Variants in C9orf85 observed in about 807,000 individuals in gnomAD.
The protein encoded by C9orf85 is uncharacterized protein C9orf85.
In C9orf85, 16 loss-of-function variants were observed where a neutral mutation model predicts 14.9. That is an observed-to-expected ratio of 1.08 (90% CI 0.73 to 1.63). The LOEUF (loss-of-function observed/expected upper bound fraction) is 1.63. Among genes scored for constraint, C9orf85 ranks in the 40% most tolerant of loss-of-function variants. The pLI, the probability that C9orf85 is intolerant of heterozygous loss-of-function variation, is 0.00. For missense variants in C9orf85, 172 were observed against 186.1 expected (o/e 0.92, Z 0.44); for synonymous variants, 45 against 56.8 (o/e 0.79, Z 0.93).
intron 1 of C9orf85, among the ~76,000 whole-genome samples, chr9:71,937,754 GAT>G (rs1446506482): frequency 6.6e-6 from 1 of 151,970 alleles, no homozygotes; most frequent in Non-Finnish European, 1.5e-5. Context: ...CTATACTTTA[GAT>G]ATCTTTTAAT....
chr9:71,949,816 C>T (rs574366994), intron 2 of C9orf85, among the ~76,000 whole-genome samples: 2 of 152,266 alleles, frequency 1.3e-5, no homozygotes, highest in South Asian at 4.2e-4. Flanking sequence ...CTTGTTCATT[C>T]AGATTCCTCT....
At chr9:71,974,844 T>C (rs1822972806), downstream of C9orf85, among the ~76,000 whole-genome samples, 1 of 152,208 alleles carries the variant, frequency 6.6e-6, no homozygotes, top group Non-Finnish European at 1.5e-5. Context: ...TGAATATGTG[T>C]GCAATAGTAT....
At chr9:71,955,428 C>T (rs570092719) in intron 2 of C9orf85, among the ~76,000 whole-genome samples, 2 of 152,172 alleles carry the variant, frequency 1.3e-5, no homozygotes, top group South Asian at 2.1e-4. Context: ...GCTTCAATAA[C>T]GGTTTTGGAC....
At chr9:71,949,660 G>C (rs1361027674) in intron 2 of C9orf85, among the ~76,000 whole-genome samples, 1 of 152,096 alleles carries the variant, frequency 6.6e-6, no homozygotes, top group Non-Finnish European at 1.5e-5. Flanking sequence ...AGGAAACAAA[G>C]ACCCAAAGAA....
chr9:71,977,319 A>T (rs933242369), downstream of C9orf85, among the ~76,000 whole-genome samples: 2 of 152,220 alleles, frequency 1.3e-5, no homozygotes, highest in African/African-American at 4.8e-5. Context: ...TTCCCAGCTG[A>T]TACCTCAGCA....
intron 2 of C9orf85, among the ~76,000 whole-genome samples, chr9:71,958,729 T>G (rs1386430276): frequency 6.6e-6 from 1 of 152,084 alleles, no homozygotes; most frequent in Non-Finnish European, 1.5e-5. Flanking sequence ...CCCTTTCTCT[T>G]TCTTTCCCCA....
At chr9:71,982,392 G>GATAT (rs970190568) in intron 3 of C9orf85, among the ~76,000 whole-genome samples, 4 of 152,066 alleles carry the variant, frequency 2.6e-5, no homozygotes, top group African/African-American at 9.6e-5. Flanking sequence ...ATTTTTCGTG[G>GATAT]ATATATATAC....
At chr9:71,974,462 C>T (rs1455402610), downstream of C9orf85, among the ~76,000 whole-genome samples, 4 of 151,860 alleles carry the variant, frequency 2.6e-5, no homozygotes, top group East Asian at 1.9e-4. Flanking sequence ...CAGGTGGTCT[C>T]GAACTCCTGG....
chr9:71,975,020 C>T (rs545316991), downstream of C9orf85, among the ~76,000 whole-genome samples: 4 of 152,252 alleles, frequency 2.6e-5, no homozygotes, highest in South Asian at 6.2e-4. Context: ...TACTAATTTA[C>T]TGTAAAATAT....
At chr9:71,952,663 C>T (rs1281699973) in intron 2 of C9orf85, among the ~76,000 whole-genome samples, 1 of 152,142 alleles carries the variant, frequency 6.6e-6, no homozygotes, top group Admixed American at 6.6e-5. Flanking sequence ...ATGCCTGGCC[C>T]AGCCTGCCTT....
At chr9:71,974,686 GGGAATCAGGTCGAT>G (rs1822971059), downstream of C9orf85, among the ~76,000 whole-genome samples, 1 of 152,180 alleles carries the variant, frequency 6.6e-6, no homozygotes, top group African/African-American at 2.4e-5. Flanking sequence ...CAGTGGTAGA[GGGAATCAGGTCGAT>G]GCATCTTCAC....
intron 1 of C9orf85, among the ~76,000 whole-genome samples, chr9:71,912,803 GA>G (rs1028653452): frequency 1.3e-5 from 2 of 152,154 alleles, no homozygotes; most frequent in African/African-American, 4.8e-5. Context: ...GGAATCGCTT[GA>G]ACCCTGGAGG....
intron 1 of C9orf85, among the ~76,000 whole-genome samples, chr9:71,915,832 G>A (rs1827634664): frequency 6.6e-6 from 1 of 152,194 alleles, no homozygotes; most frequent in Admixed American, 6.5e-5. Context: ...TTAAATGGCT[G>A]TGTAATATTA....
At chr9:71,976,241 A>G (rs1030772868), downstream of C9orf85, among the ~76,000 whole-genome samples, 7 of 152,350 alleles carry the variant, frequency 4.6e-5, 1 homozygote, top group East Asian at 1.2e-3. Flanking sequence ...AATGTAGTGC[A>G]TTAATTTGTT....
chr9:71,918,075 T>A (rs1297166765), intron 1 of C9orf85, among the ~76,000 whole-genome samples: 1 of 151,986 alleles, frequency 6.6e-6, no homozygotes, highest in African/African-American at 2.4e-5. Flanking sequence ...CCCAGCTATT[T>A]GGGAGGCTCA....
intron 2 of C9orf85, among the ~76,000 whole-genome samples, chr9:71,958,134 T>G (rs1227811535): frequency 6.6e-6 from 1 of 151,422 alleles, no homozygotes; most frequent in East Asian, 1.9e-4. Context: ...GAAGCTGGTG[T>G]TGTTTGGGGA....
At chr9:71,929,040 A>G (rs1828002143) in intron 1 of C9orf85, among the ~76,000 whole-genome samples, 1 of 152,136 alleles carries the variant, frequency 6.6e-6, no homozygotes. Context: ...TACCATAAAT[A>G]GGGTATTCTT....
chr9:71,963,136 G>C (rs192198219), intron 2 of C9orf85, among the ~76,000 whole-genome samples: 1 of 152,192 alleles, frequency 6.6e-6, no homozygotes, highest in East Asian at 1.9e-4. Context: ...AACTGGGGTT[G>C]TGGAAGGGAT....
intron 1 of C9orf85, among the ~76,000 whole-genome samples, chr9:71,912,705 C>T (rs1564079486): frequency 6.6e-6 from 1 of 151,994 alleles, no homozygotes; most frequent in Admixed American, 6.6e-5. Context: ...GCCAACATGG[C>T]GAAACTCCCA....
Sources: allele counts gnomAD v4.1 joint callset (sites outside exome capture counted in the v4.1 genomes callset), GRCh38; gene constraint gnomAD v4.1.1; transcripts MANE v1.5; gene names NCBI Gene and HGNC (gene_info 2026-07-23, HGNC 2026-07-21).